TFDP2: variants seen among roughly 807,000 people sequenced by gnomAD.
TFDP2 encodes the protein transcription factor Dp-2 (E2F dimerization partner 2).
TFDP2 carries 17 observed loss-of-function variants against 59.3 expected under a neutral mutation model. The ratio of observed to expected loss-of-function variants is 0.29; its 90% CI spans 0.20 to 0.43. The LOEUF is 0.43. TFDP2 is among the 20% of genes least tolerant of loss of function. The probability of loss-of-function intolerance (pLI) is 1.00; values close to 1 mark genes in which losing one functional copy is unlikely to be tolerated. For synonymous variants in TFDP2, 180 were observed against 194.7 expected, an observed-to-expected ratio of 0.92 and a Z score of 0.63; for missense variants, 391 against 528.8, an observed-to-expected ratio of 0.74 and a Z score of 2.56.
At chr3:141,983,022 C>A (rs536784127) in intron 6 of TFDP2, among the ~76,000 whole-genome samples, 2 of 152,062 alleles carry the variant, frequency 1.3e-5, no homozygotes, top group Non-Finnish European at 2.9e-5. Flanking sequence ...TGATCTTATC[C>A]CCTTCATGAG....
intron 6 of TFDP2, among the ~76,000 whole-genome samples, chr3:141,985,806 A>T (rs754337534): frequency 6.6e-6 from 1 of 152,226 alleles, no homozygotes; most frequent in Non-Finnish European, 1.5e-5. Flanking sequence ...CTCAAAAGAC[A>T]CCATTAAGAA....
At chr3:142,139,467 G>T (rs1294148019) in intron 1 of TFDP2, among the ~76,000 whole-genome samples, 2 of 152,200 alleles carry the variant, frequency 1.3e-5, no homozygotes, top group Admixed American at 6.5e-5. Context: ...AGCATTCATG[G>T]TCTTTAAAAT....
At chr3:142,044,380 C>T (rs570532986) in intron 3 of TFDP2, among the ~76,000 whole-genome samples, 220 of 152,028 alleles carry the variant, frequency 1.4e-3, no homozygotes, top group Admixed American at 5.2e-3. Context: ...GGACTACAGG[C>T]GTGCACCACC....
intron 2 of TFDP2, among the ~76,000 whole-genome samples, chr3:142,094,390 C>T (rs978592301): frequency 2.0e-5 from 3 of 151,698 alleles, no homozygotes; most frequent in African/African-American, 4.8e-5. Context: ...CTGCAACCTC[C>T]GCCTCCCGGG....
intron 9 of TFDP2, among the ~76,000 whole-genome samples, chr3:141,966,183 A>T (rs978229596): frequency 1.3e-5 from 2 of 151,648 alleles, no homozygotes; most frequent in African/African-American, 4.9e-5. Flanking sequence ...ATTTATTATT[A>T]TTTTTTTGAG....
intron 1 of TFDP2, among the ~76,000 whole-genome samples, chr3:142,127,894 A>C (rs1490002562): frequency 6.6e-6 from 1 of 152,210 alleles, no homozygotes; most frequent in African/African-American, 2.4e-5. Flanking sequence ...GTCTTAACCC[A>C]TGTAGCTAAG....
At chr3:142,147,159 A>T (rs569889613) in intron 1 of TFDP2, among the ~76,000 whole-genome samples, 1 of 152,266 alleles carries the variant, frequency 6.6e-6, no homozygotes, top group African/African-American at 2.4e-5. Context: ...ATAATTTTGC[A>T]TAATATTTCC....
At chr3:142,091,576 AT>A (rs768336372) in intron 3 of TFDP2, among the ~76,000 whole-genome samples, 82 of 150,908 alleles carry the variant, frequency 5.4e-4, no homozygotes, top group Middle Eastern at 3.4e-3. Flanking sequence ...CAAAAAAAAA[AT>A]AAATAAAATA....
At chr3:142,004,240 T>C (rs1489597881) in intron 4 of TFDP2, among the ~76,000 whole-genome samples, 1 of 152,206 alleles carries the variant, frequency 6.6e-6, no homozygotes, top group Admixed American at 6.5e-5. Flanking sequence ...TTTCTGCAGA[T>C]GATAAACAGT....
chr3:142,068,997 C>T (rs2060156569), intron 3 of TFDP2, among the ~76,000 whole-genome samples: 1 of 152,116 alleles, frequency 6.6e-6, no homozygotes, highest in African/African-American at 2.4e-5. Context: ...CTCAATGCAA[C>T]CTCCGTCTCC....
intron 3 of TFDP2, among the ~76,000 whole-genome samples, chr3:142,076,319 C>A (rs117029693): frequency 0.015 from 2,288 of 151,984 alleles, 26 homozygotes; most frequent in South Asian, 0.043. Context: ...AGAAGCAGAA[C>A]CAGAAAGTAA....
intron 1 of TFDP2, among the ~76,000 whole-genome samples, chr3:142,112,928 T>A (rs1291549665): frequency 6.6e-6 from 1 of 152,196 alleles, no homozygotes; most frequent in Non-Finnish European, 1.5e-5. Context: ...TCTTAATTAC[T>A]GAAAACAAAA....
intron 1 of TFDP2, among the ~76,000 whole-genome samples, chr3:142,119,306 ACT>A (rs758379156): frequency 7.2e-5 from 11 of 152,116 alleles, no homozygotes; most frequent in Non-Finnish European, 1.5e-4. Context: ...TAAAGAAAAA[ACT>A]CTCAGTGTAT....
intron 3 of TFDP2, among the ~76,000 whole-genome samples, chr3:142,006,459 T>C (rs1944218021): frequency 6.7e-6 from 1 of 148,414 alleles, no homozygotes; most frequent in Non-Finnish European, 1.5e-5. Context: ...CACTCTTTAA[T>C]TCCCTTACTA....
intron 1 of TFDP2, among the ~76,000 whole-genome samples, chr3:142,142,559 T>C (rs1183503012): frequency 6.6e-6 from 1 of 152,212 alleles, no homozygotes; most frequent in Non-Finnish European, 1.5e-5. Flanking sequence ...AGGCAATCCC[T>C]ATCAAAATGG....
chr3:141,963,555 T>C (rs1001578194), intron 10 of TFDP2, among the ~76,000 whole-genome samples: 3 of 152,084 alleles, frequency 2.0e-5, no homozygotes, highest in African/African-American at 7.2e-5. Context: ...ACGTCATAGG[T>C]TGGGCCCAGA....
At chr3:141,953,385 G>A (rs1446164866) in intron 11 of TFDP2, among the ~76,000 whole-genome samples, 1 of 152,154 alleles carries the variant, frequency 6.6e-6, no homozygotes, top group Non-Finnish European at 1.5e-5. Context: ...GACCTGGACT[G>A]TGGTGTTGAG....
chr3:141,967,775 T>C (rs1296274790), intron 9 of TFDP2, among the ~76,000 whole-genome samples: 1 of 151,938 alleles, frequency 6.6e-6, no homozygotes, highest in East Asian at 1.9e-4. Context: ...GTTCAAGACT[T>C]TAAAAAATAA....
rs184062436 is a variant in TFDP2 at position 142,010,198 on chromosome 3, C to T, written c.83-4654G>A. Among the ~76,000 whole-genome samples, 19 of 151,074 alleles carry T rather than the reference C, an allele frequency of 1.3e-4. No homozygotes were observed. In the East Asian group the frequency reaches 3.1e-3, roughly 25 times the overall value. On this transcript the variant is annotated intron_variant, in intron 3 of 12. Coordinates refer to ENST00000489671, the MANE Select transcript of TFDP2 (RefSeq NM_001178139.2). Reference sequence around the variant, plus strand: ...TTCTTAAAAATTTTTGTTTATTTAACCTACTCTTATAAATCAATAAGAAAA... The same window carrying T: ...TTCTTAAAAATTTTTGTTTATTTAATCTACTCTTATAAATCAATAAGAAAA...
Sources: allele counts gnomAD v4.1 joint callset (sites outside exome capture counted in the v4.1 genomes callset), GRCh38; gene constraint gnomAD v4.1.1; transcripts MANE v1.5; gene names NCBI Gene and HGNC (gene_info 2026-07-23, HGNC 2026-07-21).